EPHA5: variants seen among roughly 807,000 people sequenced by gnomAD.
EPHA5 encodes EPH receptor A5.
A neutral mutation model predicts 105.0 loss-of-function variants in EPHA5; 60 were observed. That is an observed-to-expected ratio of 0.57 (90% CI 0.46 to 0.71). The LOEUF (loss-of-function observed/expected upper bound fraction) is 0.71. Among genes scored for constraint, EPHA5 ranks in the 30% least tolerant of loss-of-function variants. The pLI is 0.00. For synonymous variants in EPHA5, 513 were observed against 449.1 expected (o/e 1.14, Z -1.80); for missense variants, 1,218 against 1,274.7 (o/e 0.96, Z 0.68).
chr4:65,503,908 T>TACACAC (rs34693427), intron 3 of EPHA5, among the ~76,000 whole-genome samples: 15,054 of 145,292 alleles, frequency 0.1, 833 homozygotes, highest in Middle Eastern at 0.22. Context: ...ATGTGTGTGA[T>TACACAC]ACACACACAC....
chr4:65,411,079 G>T (rs1248856264), intron 7 of EPHA5, among the ~76,000 whole-genome samples: 3 of 151,798 alleles, frequency 2.0e-5, no homozygotes, highest in Non-Finnish European at 2.9e-5. Flanking sequence ...TGAGAATGGG[G>T]GTAATGTAAA....
At chr4:65,382,025 C>T (rs1057316783) in intron 8 of EPHA5, among the ~76,000 whole-genome samples, 15 of 151,950 alleles carry the variant, frequency 9.9e-5, no homozygotes, top group Admixed American at 6.6e-4. Flanking sequence ...GACTGAGGTG[C>T]ACCTTAAATA....
chr4:65,487,276 C>G (rs4343774), intron 5 of EPHA5, among the ~76,000 whole-genome samples: 140,988 of 152,256 alleles, frequency 0.93, 65,620 homozygotes, highest in Middle Eastern at 0.99. Flanking sequence ...CTCCAAGCTG[C>G]CCTTGTTCAT....
At chr4:65,600,056 C>T (rs1193399274) in intron 3 of EPHA5, among the ~76,000 whole-genome samples, 5 of 151,692 alleles carry the variant, frequency 3.3e-5, no homozygotes, top group South Asian at 2.1e-4. Flanking sequence ...AAATAGAGTA[C>T]GTTGTTTTAT....
chr4:65,455,594 A>G (rs1727502355), intron 5 of EPHA5, among the ~76,000 whole-genome samples: 1 of 152,242 alleles, frequency 6.6e-6, no homozygotes, highest in African/African-American at 2.4e-5. Flanking sequence ...TGATACATGC[A>G]AGAGAAACAG....
intron 2 of EPHA5, among the ~76,000 whole-genome samples, chr4:65,636,903 T>A (rs1314694354): frequency 3.9e-5 from 6 of 152,096 alleles, no homozygotes; most frequent in Non-Finnish European, 7.4e-5. Flanking sequence ...GTAGCCCCAG[T>A]GCCTAGAAGA....
At chr4:65,476,590 T>A (rs1016063108) in intron 5 of EPHA5, among the ~76,000 whole-genome samples, 1 of 151,892 alleles carries the variant, frequency 6.6e-6, no homozygotes, top group Admixed American at 6.6e-5. Flanking sequence ...GAGCACGGAG[T>A]GAGAGGAGGG....
intron 3 of EPHA5, among the ~76,000 whole-genome samples, chr4:65,580,551 G>T (rs751095019): frequency 6.6e-6 from 1 of 151,736 alleles, no homozygotes; most frequent in Non-Finnish European, 1.5e-5. Flanking sequence ...CAAAAACTAT[G>T]CCACTTTGGC....
chr4:65,420,702 A>G (rs1450280601), intron 5 of EPHA5, 137 bp from the exon 6 acceptor site: 4 of 707,666 alleles, frequency 5.7e-6, no homozygotes, highest in African/African-American at 1.8e-5. Context: ...GTTTTTCTAT[A>G]TAAGGTTTAA....
At chr4:65,335,261 C>A (rs2148810382) in intron 15 of EPHA5, among the ~76,000 whole-genome samples, 1 of 151,936 alleles carries the variant, frequency 6.6e-6, no homozygotes, top group African/African-American at 2.4e-5. Context: ...GAAGATAATT[C>A]TGTTTTTCAG....
chr4:65,510,445 C>T (rs756066803), intron 3 of EPHA5, among the ~76,000 whole-genome samples: 16 of 152,130 alleles, frequency 1.1e-4, no homozygotes, highest in Non-Finnish European at 1.6e-4. Context: ...TGTAATCACA[C>T]AGTATCTTCT....
At position 65,321,770 on chromosome 4, in the gene EPHA5, A is replaced by G. The variant is rs1274732775; in HGVS notation, c.*2344T>C. 1 of 227,808 alleles carries G rather than the reference A, an allele frequency of 4.4e-6. No homozygotes were observed. Among genetic ancestry groups the G allele is most frequent in the Non-Finnish European group, 8.7e-6 (1 of 114,664 alleles). The allele number at this position is 227,808 out of a possible 1,614,324, so 14.1% of individuals were successfully genotyped here. ...TACACTCCACCCGGACCTCCTAATT[A>G]TCTTTCAGCATATAAAGTTGGAAAA... On this transcript the variant is annotated 3_prime_UTR_variant, in exon 17 of 17. Transcript: ENST00000613740.
At chr4:65,464,867 A>G (rs1728460934) in intron 5 of EPHA5, among the ~76,000 whole-genome samples, 2 of 152,120 alleles carry the variant, frequency 1.3e-5, no homozygotes, top group South Asian at 4.1e-4. Context: ...ACATTCATTT[A>G]TTTATTCATT....
intron 2 of EPHA5, among the ~76,000 whole-genome samples, chr4:65,638,208 A>C (rs1218671246): frequency 3.3e-5 from 5 of 152,158 alleles, no homozygotes; most frequent in Non-Finnish European, 7.4e-5. Context: ...TTGAATTCCC[A>C]AGGGACCAAT....
At chr4:65,624,560 C>A (rs1006333175) in intron 2 of EPHA5, among the ~76,000 whole-genome samples, 1 of 152,000 alleles carries the variant, frequency 6.6e-6, no homozygotes, top group African/African-American at 2.4e-5. Flanking sequence ...TTTTAGGGTA[C>A]CAACTATTGA....
At chr4:65,449,575 A>G (rs918977172) in intron 5 of EPHA5, among the ~76,000 whole-genome samples, 3 of 152,166 alleles carry the variant, frequency 2.0e-5, no homozygotes, top group African/African-American at 7.2e-5. Flanking sequence ...TCATATAACA[A>G]TTATATAGTG....
chr4:65,646,716 T>C (rs1244732694), intron 1 of EPHA5, among the ~76,000 whole-genome samples: 1 of 152,112 alleles, frequency 6.6e-6, no homozygotes, highest in Non-Finnish European at 1.5e-5. Context: ...GATAAAGAAT[T>C]GTGAAAGTAG....
chr4:65,617,473 G>A (rs955219317), intron 2 of EPHA5, among the ~76,000 whole-genome samples: 2 of 152,098 alleles, frequency 1.3e-5, no homozygotes, highest in African/African-American at 4.8e-5. Flanking sequence ...TGCCAACAGC[G>A]ATTTTCTTTA....
chr4:65,563,406 A>G (rs1431531430), intron 3 of EPHA5, among the ~76,000 whole-genome samples: 2 of 152,102 alleles, frequency 1.3e-5, no homozygotes, highest in African/African-American at 4.8e-5. Context: ...GCATCCTTCA[A>G]TCACAGCACA....
Sources: allele counts gnomAD v4.1 joint callset (sites outside exome capture counted in the v4.1 genomes callset), GRCh38; gene constraint gnomAD v4.1.1; transcripts MANE v1.5; gene names NCBI Gene and HGNC (gene_info 2026-07-23, HGNC 2026-07-21).